The following PCGF5 variants were observed in gnomAD, a reference collection of about 807,000 sequenced individuals.
The protein encoded by PCGF5 is polycomb group ring finger 5.
In PCGF5, 9 loss-of-function variants were observed where a neutral mutation model predicts 44.3. The ratio of observed to expected loss-of-function variants is 0.20; its 90% CI spans 0.12 to 0.35. The LOEUF is 0.35. PCGF5 is among the 10% of genes least tolerant of loss of function. The probability of loss-of-function intolerance (pLI) is 1.00; values close to 1 mark genes in which losing one functional copy is unlikely to be tolerated. For synonymous variants in PCGF5, 95 were observed against 102.5 expected, an observed-to-expected ratio of 0.93 and a Z score of 0.44; for missense variants, 146 against 305.3, an observed-to-expected ratio of 0.48 and a Z score of 3.89.
At chr10:91,196,783 T>C (rs192967885) in intron 1 of PCGF5, among the ~76,000 whole-genome samples, 65 of 152,336 alleles carry the variant, frequency 4.3e-4, no homozygotes, top group African/African-American at 1.6e-3. Flanking sequence ...CTATACTTGT[T>C]GAATACCTGG....
At chr10:91,277,853 A>G (rs2631677) in intron 9 of PCGF5, among the ~76,000 whole-genome samples, 34,632 of 151,916 alleles carry the variant, frequency 0.23, 4,303 homozygotes, top group Non-Finnish European at 0.28. Context: ...TTTGTGATCT[A>G]GTGGGCTCTC....
At chr10:91,216,566 G>A (rs1433482476), upstream of PCGF5, among the ~76,000 whole-genome samples, 2 of 152,166 alleles carry the variant, frequency 1.3e-5, no homozygotes, top group Non-Finnish European at 2.9e-5. Flanking sequence ...GAGTCTTCTG[G>A]CTGTGCTGTG....
At chr10:91,227,547 C>T in intron 2 of PCGF5, 2 of 1,200,768 alleles carry the variant, frequency 1.7e-6, no homozygotes, top group Non-Finnish European at 2.1e-6. Context: ...TAGTTTCATC[C>T]CTCTGTTACT....
chr10:91,282,596 A>G lies in PCGF5; in HGVS notation c.*4280A>G, dbSNP rs1436526587. ...GGTCACAGAACAAGCATGTACATCAAGAGGAAGTTCCATATCCCCCTTGTA... is the reference window on the plus strand; with the variant it reads ...GGTCACAGAACAAGCATGTACATCAGGAGGAAGTTCCATATCCCCCTTGTA... On this transcript the variant is annotated 3_prime_UTR_variant, in exon 10 of 10. Transcript: ENST00000336126. The G allele has an allele frequency of 2.0e-5, 3 of 152,660 alleles. No individual in the cohort carries two copies. Among genetic ancestry groups the G allele is most frequent in the African/African-American group, 7.2e-5 (3 of 41,462 alleles). The allele number at this position is 152,660 out of a possible 1,614,324, so 9.5% of individuals were successfully genotyped here. A position where few individuals can be genotyped will look rare whatever the true frequency, so the allele number is the denominator to read the frequency against.
At chr10:91,257,064 G>T (rs1845770915) in intron 6 of PCGF5, among the ~76,000 whole-genome samples, 1 of 152,098 alleles carries the variant, frequency 6.6e-6, no homozygotes, top group Non-Finnish European at 1.5e-5. Context: ...AATCATGTCT[G>T]ATAAGCCTTT....
upstream of PCGF5, among the ~76,000 whole-genome samples, chr10:91,218,319 C>T (rs1352513275): frequency 2.0e-5 from 3 of 152,140 alleles, no homozygotes; most frequent in African/African-American, 7.2e-5. Context: ...CTTTATCCTG[C>T]CTTTTTTTTT....
intron 1 of PCGF5, among the ~76,000 whole-genome samples, chr10:91,211,477 G>T (rs1260982644): frequency 1.3e-5 from 2 of 152,156 alleles, no homozygotes; most frequent in Admixed American, 1.3e-4. Context: ...CTTTGCAGGG[G>T]CCATACTTGT....
intron 6 of PCGF5, among the ~76,000 whole-genome samples, chr10:91,257,493 AG>A (rs34400681): frequency 0.12 from 18,991 of 151,980 alleles, 2,186 homozygotes; most frequent in African/African-American, 0.3. Context: ...CAAGACCCCC[AG>A]GGGATGTTGC....
chr10:91,225,051 A>G (rs1030032098), intron 2 of PCGF5, among the ~76,000 whole-genome samples: 1 of 151,980 alleles, frequency 6.6e-6, no homozygotes, highest in Non-Finnish European at 1.5e-5. Context: ...ATTTCTATCT[A>G]TATGCTACAA....
At chr10:91,215,692 T>C (rs1844527929), upstream of PCGF5, among the ~76,000 whole-genome samples, 1 of 152,258 alleles carries the variant, frequency 6.6e-6, no homozygotes, top group African/African-American at 2.4e-5. Context: ...TCTGGCCTTC[T>C]CATTTATCAT....
At chr10:91,190,290 C>A (rs985402998) in intron 1 of PCGF5, among the ~76,000 whole-genome samples, 1 of 152,170 alleles carries the variant, frequency 6.6e-6, no homozygotes, top group African/African-American at 2.4e-5. Flanking sequence ...AATCCCATCA[C>A]CTTGGGGGTT....
chr10:91,158,505 T>C (rs1843345560), upstream of PCGF5, among the ~76,000 whole-genome samples: 1 of 152,162 alleles, frequency 6.6e-6, no homozygotes, highest in African/African-American at 2.4e-5. Context: ...TGTGGCTGCC[T>C]ATTATACTCC....
intron 1 of PCGF5, among the ~76,000 whole-genome samples, chr10:91,211,687 AGAAGAG>A (rs1460697551): frequency 6.6e-6 from 1 of 152,216 alleles, no homozygotes; most frequent in African/African-American, 2.4e-5. Flanking sequence ...TGAATAGTGA[AGAAGAG>A]GAAGAGGAGG....
At chr10:91,183,786 C>T (rs1037075648) in intron 1 of PCGF5, among the ~76,000 whole-genome samples, 2 of 152,106 alleles carry the variant, frequency 1.3e-5, no homozygotes, top group Non-Finnish European at 2.9e-5. Flanking sequence ...TTAGCATTTG[C>T]TTGTCTGAAA....
chr10:91,182,366 C>T (rs1232974312), intron 1 of PCGF5, among the ~76,000 whole-genome samples: 1 of 152,092 alleles, frequency 6.6e-6, no homozygotes, highest in African/African-American at 2.4e-5. Context: ...ATAATATTCT[C>T]TGATGGTTGT....
intron 3 of PCGF5, among the ~76,000 whole-genome samples, chr10:91,245,339 G>A (rs528878620): frequency 6.6e-6 from 1 of 152,276 alleles, no homozygotes; most frequent in South Asian, 2.1e-4. Flanking sequence ...CATCAACTTT[G>A]AAAAGAGCAC....
intron 1 of PCGF5, among the ~76,000 whole-genome samples, chr10:91,205,523 A>C (rs562007510): frequency 6.6e-6 from 1 of 152,332 alleles, no homozygotes; most frequent in South Asian, 2.1e-4. Context: ...AAACATTATA[A>C]ATGATGAGTT....
At chr10:91,185,692 G>A (rs572787902) in intron 1 of PCGF5, among the ~76,000 whole-genome samples, 1 of 152,354 alleles carries the variant, frequency 6.6e-6, no homozygotes, top group African/African-American at 2.4e-5. Context: ...AGTTCTGTGT[G>A]TCGGACTGAA....
chr10:91,239,870 C>A (rs1248899991), intron 2 of PCGF5, among the ~76,000 whole-genome samples: 1 of 152,076 alleles, frequency 6.6e-6, no homozygotes, highest in Non-Finnish European at 1.5e-5. Flanking sequence ...GTCAGTTTTT[C>A]AGTCATTCTT....
Sources: gnomAD v4.1 joint callset for allele counts (sites outside exome capture counted in the v4.1 genomes callset) on GRCh38, gnomAD v4.1.1 for gene constraint, MANE v1.5 for transcripts, NCBI Gene and HGNC (gene_info 2026-07-23, HGNC 2026-07-21) for gene names.